The following ABHD10 variants were observed in gnomAD, a reference collection of about 807,000 sequenced individuals.
ABHD10 encodes the protein palmitoyl-protein thioesterase ABHD10, mitochondrial.
In ABHD10, 22 loss-of-function variants were observed where a neutral mutation model predicts 33.1. The observed-to-expected ratio is 0.66, with a 90% CI of 0.47 to 0.95. ABHD10 has a LOEUF of 0.95. Among genes scored for constraint, ABHD10 ranks in the 40% least tolerant of loss-of-function variants. The pLI, the probability that ABHD10 is intolerant of heterozygous loss-of-function variation, is 0.00. For synonymous variants in ABHD10, 146 were observed against 133.9 expected (o/e 1.09, Z -0.62); for missense variants, 352 against 379.9 (o/e 0.93, Z 0.61).
At chr3:111,979,300 C>T in intron 1 of ABHD10, 97 bp downstream of exon 1, 1 of 1,372,830 alleles carries the variant, frequency 7.3e-7, no homozygotes, top group Non-Finnish European at 9.7e-7. Flanking sequence ...GCGCCCGGTT[C>T]AAAAATGCTC....
chr3:111,983,070 T>A (rs2072605954), intron 2 of ABHD10, among the ~76,000 whole-genome samples: 1 of 152,110 alleles, frequency 6.6e-6, no homozygotes, highest in Non-Finnish European at 1.5e-5. Flanking sequence ...TACTTGCCTA[T>A]GAGGACCTTT....
intron 2 of ABHD10, among the ~76,000 whole-genome samples, chr3:111,985,731 A>G (rs981745068): frequency 6.6e-6 from 1 of 151,112 alleles, no homozygotes; most frequent in African/African-American, 2.4e-5. Flanking sequence ...CTAAATGGCT[A>G]TCTGGAGGAG....
rs746412198 is a variant in ABHD10, at chr3:111,979,103, T to C, written c.42T>C (p.Pro14=). 4 of 1,613,262 alleles carry C rather than the reference T, an allele frequency of 2.5e-6. No homozygotes were observed. The highest frequency in any genetic ancestry group is 3.3e-5 in the Admixed American group (2 of 59,980). ...ARLAAVAAWV[P]CRSWGWAAVP... is the part of the protein sequence containing the mutation. ...TGGCAGCTGTGGCGGCCTGGGTACCTTGTCGGAGCTGGGGCTGGGCAGCCG... is the reference window on the plus strand; with the variant it reads ...TGGCAGCTGTGGCGGCCTGGGTACCCTGTCGGAGCTGGGGCTGGGCAGCCG... The change falls in exon 1 of 5, where the codon CCT becomes CCC. Residue 14 remains proline, a synonymous_variant. Coordinates refer to ENST00000273359, the MANE Select transcript of ABHD10 (RefSeq NM_018394.4).
chr3:111,979,928 A>C (rs1370650825), intron 1 of ABHD10, among the ~76,000 whole-genome samples: 3 of 152,224 alleles, frequency 2.0e-5, no homozygotes, highest in Admixed American at 1.3e-4. Context: ...AACTTTTATA[A>C]TCAGATTAAC....
At chr3:111,985,012 T>A (rs767159613) in intron 2 of ABHD10, among the ~76,000 whole-genome samples, 2 of 152,180 alleles carry the variant, frequency 1.3e-5, no homozygotes, top group African/African-American at 2.4e-5. Context: ...AAAAACAAAC[T>A]TGATTACAAT....
At chr3:111,987,172 C>G (rs1035660218) in intron 4 of ABHD10, 121 bp downstream of exon 4, 1 of 1,131,696 alleles carries the variant, frequency 8.8e-7, no homozygotes, top group African/African-American at 1.6e-5. Context: ...CTGTGCTGGC[C>G]CAACTTTTGT....
chr3:111,983,112 C>T (rs965952551), intron 2 of ABHD10, among the ~76,000 whole-genome samples: 1 of 151,996 alleles, frequency 6.6e-6, no homozygotes, highest in Non-Finnish European at 1.5e-5. Context: ...AGATAAAATA[C>T]ATGTTAGAAA....
rs534691314 is a variant in ABHD10, at chr3:111,983,848, A to C, written c.326+1881A>C. ...TAATAGAATTTTTATTTGGGACTAC[A>C]TCCCAGACTATTGAGGCTGCTAAGA... On this transcript the variant is annotated intron_variant, in intron 2 of 4. Transcript: ENST00000273359. Among the ~76,000 whole-genome samples the C allele has an allele frequency of 2.0e-5, 3 of 152,322 alleles. No homozygotes were observed. The South Asian group carries it at 6.2e-4, about 32-fold the overall frequency.
Position 111,979,042 on chromosome 3 carries a change from G to C in ABHD10, c.-20G>C. 2 of 1,610,738 alleles carry C rather than the reference G, an allele frequency of 1.2e-6. No individual in the cohort carries two copies. The highest frequency in any genetic ancestry group is 1.7e-6 in the Non-Finnish European group (2 of 1,178,376). ...GTGTCCCTCAGTGGGACACTGCAGGGTGCGGGGACAACTACGAAGATGGCG... is the reference window on the plus strand; with the variant it reads ...GTGTCCCTCAGTGGGACACTGCAGGCTGCGGGGACAACTACGAAGATGGCG... On this transcript the variant is annotated 5_prime_UTR_variant, in exon 1 of 5. Transcript: ENST00000273359.
intron 2 of ABHD10, among the ~76,000 whole-genome samples, chr3:111,985,304 A>ACCCTTAAGG (rs1215114201): frequency 1.3e-5 from 2 of 152,122 alleles, no homozygotes; most frequent in Non-Finnish European, 2.9e-5. Flanking sequence ...TTGATTTGAT[A>ACCCTTAAGG]CCCTTAAGGA....
chr3:111,981,810 T>G lies in ABHD10; in HGVS notation c.169T>G (p.Phe57Val). ...PACRQKTSLS[F>V]LNRPDLPNLA... ...TTGTAGACAAAAGACGTCACTCTCATTCCTTAATCGACCAGACCTTCCAAA... is the reference window on the plus strand; with the variant it reads ...TTGTAGACAAAAGACGTCACTCTCAGTCCTTAATCGACCAGACCTTCCAAA... The change falls in exon 2 of 5, where the codon TTC becomes GTC. Residue 57 changes from phenylalanine to valine, a missense_variant. Transcript: ENST00000273359. 2 of 1,585,588 alleles carry G rather than the reference T, an allele frequency of 1.3e-6. No homozygotes were observed. Among genetic ancestry groups the G allele is most frequent in the Non-Finnish European group, 1.7e-6 (2 of 1,159,410 alleles).
At position 111,986,278 on chromosome 3, in the gene ABHD10, G is replaced by A. The variant is rs2072659979; in HGVS notation, c.341G>A (p.Gly114Glu). The A allele has an allele frequency of 6.2e-7, 1 of 1,611,984 alleles. No homozygotes were observed. Among genetic ancestry groups the A allele is most frequent in the South Asian group, 1.1e-5 (1 of 90,966 alleles). ...GHACIRFDYS[G>E]VGSSDGNSEE... The stretch of plus-strand genomic sequence containing the variant: ...CCTTTTTCCAGGTTTGATTACTCAG[G>A]AGTTGGAAGTTCAGATGGTAACTCA... Residue 114 changes from glycine to glutamate, a missense_variant, in exon 3 of 5, where the codon GGA becomes GAA. By Grantham distance (98) the Gly-to-Glu change is moderately conservative (BLOSUM62 -2). Transcript: ENST00000273359.
rs60295420 is a variant in ABHD10 at position 111,986,428 on chromosome 3, G to GTTTGTTTTGTTTTGT, written c.438+62_438+76dup. 7.0e-4 allele frequency: 713 copies of GTTTGTTTTGTTTTGT among 1,018,952 alleles called. 4 individuals are homozygous for GTTTGTTTTGTTTTGT. In the African/African-American group the frequency reaches 8.8e-3, roughly 13 times the overall value. 63.1% of individuals were successfully genotyped at this position (1,018,952 alleles called of 1,614,324 possible). A position where few individuals can be genotyped will look rare whatever the true frequency, so the allele number is the denominator to read the frequency against. ...ATTACTGTAACCTCGTATTTAAGCT[G>GTTTGTTTTGTTTTGT]TTTGTTTTGTTTTGTTTTGTTTTTT... On this transcript the variant is annotated intron_variant, in intron 3 of 4. Coordinates refer to ENST00000273359, the MANE Select transcript of ABHD10 (RefSeq NM_018394.4).
rs778284141 is a variant in ABHD10 at position 111,979,031 on chromosome 3, G to C, written c.-31G>C. On this transcript the variant is annotated 5_prime_UTR_variant, in exon 1 of 5. Transcript: ENST00000273359. ...CGTTGCGTAGCGTGTCCCTCAGTGG[G>C]ACACTGCAGGGTGCGGGGACAACTA... 1 of 1,599,064 alleles carries C rather than the reference G, an allele frequency of 6.3e-7. No homozygotes were observed. The highest frequency in any genetic ancestry group is 2.3e-5 in the East Asian group (1 of 44,368).
intron 2 of ABHD10, among the ~76,000 whole-genome samples, chr3:111,982,528 CCTGTAGCAG>C (rs1294274681): frequency 2.0e-5 from 3 of 151,926 alleles, no homozygotes; most frequent in African/African-American, 7.3e-5. Context: ...ATAAGGTCTA[CCTGTAGCAG>C]TTATATGTTT....
At position 111,981,961 on chromosome 3, in the gene ABHD10, G is replaced by C. The variant is rs1357491108; in HGVS notation, c.320G>C (p.Cys107Ser). The C allele has an allele frequency of 1.3e-6, 2 of 1,545,256 alleles. No homozygotes were observed. The highest frequency in any genetic ancestry group is 1.8e-6 in the Non-Finnish European group (2 of 1,132,660). ...TTTTGCAAATCTCTAGGTCACGCCT[G>C]CATAAGGTAGGAACAACACATTACT... The part of the protein sequence containing the change: ...EEFCKSLGHA[C>S]IRFDYSGVGS... The change falls in exon 2 of 5, where the codon TGC becomes TCC. Residue 107 changes from cysteine to serine, a missense_variant. Cys to Ser is a moderately radical substitution (Grantham distance 112). Coordinates refer to ENST00000273359, the MANE Select transcript of ABHD10 (RefSeq NM_018394.4).
chr3:111,990,250 G>C (rs961905591), intron 4 of ABHD10, among the ~76,000 whole-genome samples: 2 of 151,974 alleles, frequency 1.3e-5, no homozygotes, highest in African/African-American at 4.8e-5. Flanking sequence ...GTGGACTGCT[G>C]TGCAGCATTT....
At chr3:111,987,160 T>TA in intron 4 of ABHD10, 109 bp downstream of exon 4, 1 of 1,327,700 alleles carries the variant, frequency 7.5e-7, no homozygotes, top group East Asian at 2.4e-5. Context: ...TCCTTTGACT[T>TA]ACTGTGCTGG....
chr3:111,984,188 A>G (rs2072623448), intron 2 of ABHD10, among the ~76,000 whole-genome samples: 1 of 152,148 alleles, frequency 6.6e-6, no homozygotes, highest in Non-Finnish European at 1.5e-5. Context: ...CATCTCTTAC[A>G]TACCCTGGAT....
Sources: allele counts gnomAD v4.1 joint callset (sites outside exome capture counted in the v4.1 genomes callset), GRCh38; gene constraint gnomAD v4.1.1; transcripts MANE v1.5; gene names NCBI Gene and HGNC (gene_info 2026-07-23, HGNC 2026-07-21).